Variants in CACNA1E observed in about 807,000 individuals in gnomAD.
CACNA1E encodes the protein calcium voltage-gated channel subunit alpha1 E, also known as voltage-dependent R-type calcium channel subunit alpha-1E.
In CACNA1E, 40 loss-of-function variants were observed where a neutral mutation model predicts 259.2. The ratio of observed to expected loss-of-function variants is 0.15; its 90% CI spans 0.12 to 0.20. CACNA1E has a LOEUF of 0.20. CACNA1E is among the 10% of genes least tolerant of loss of function. The probability of loss-of-function intolerance (pLI) is 1.00; values close to 1 mark genes in which losing one functional copy is unlikely to be tolerated. For missense variants in CACNA1E, 1,874 were observed against 3,040.1 expected, an observed-to-expected ratio of 0.62 and a Z score of 9.02; for synonymous variants, 1,104 against 1,138.5, an observed-to-expected ratio of 0.97 and a Z score of 0.61.
intron 7 of CACNA1E, among the ~76,000 whole-genome samples, chr1:181,674,898 T>G (rs1469880338): frequency 6.6e-6 from 1 of 152,182 alleles, no homozygotes; most frequent in African/African-American, 2.4e-5. Flanking sequence ...CTTTCTTAGG[T>G]GGCTTATGTT....
At chr1:181,636,891 T>C (rs1657263427) in intron 6 of CACNA1E, among the ~76,000 whole-genome samples, 1 of 152,216 alleles carries the variant, frequency 6.6e-6, no homozygotes, top group Admixed American at 6.5e-5. Context: ...CTGTCAGCAT[T>C]ATCAGAGCGT....
intron 3 of CACNA1E, among the ~76,000 whole-genome samples, chr1:181,545,207 T>C (rs1647316469): frequency 6.6e-6 from 1 of 152,066 alleles, no homozygotes; most frequent in Admixed American, 6.5e-5. Context: ...TGAAAACAGG[T>C]TGGGTGGAGC....
At chr1:181,749,465 C>T (rs1657396978) in intron 25 of CACNA1E, among the ~76,000 whole-genome samples, 2 of 152,200 alleles carry the variant, frequency 1.3e-5, no homozygotes, top group Admixed American at 1.3e-4. Flanking sequence ...CTAAAACCTG[C>T]TGATGCAGAG....
At chr1:181,602,213 G>A (rs917113533) in intron 6 of CACNA1E, among the ~76,000 whole-genome samples, 13 of 152,188 alleles carry the variant, frequency 8.5e-5, no homozygotes, top group African/African-American at 3.1e-4. Context: ...TCCCACTAGA[G>A]TACAAGCTTC....
chr1:181,617,376 C>T (rs796776191), intron 6 of CACNA1E, among the ~76,000 whole-genome samples: 34 of 151,952 alleles, frequency 2.2e-4, no homozygotes, highest in African/African-American at 7.2e-4. Context: ...CTAAGTCTTC[C>T]GCCAGAAAAT....
chr1:181,474,198 T>C (rs1662696764), intron 2 of CACNA1E, among the ~76,000 whole-genome samples: 1 of 152,204 alleles, frequency 6.6e-6, no homozygotes, highest in South Asian at 2.1e-4. Flanking sequence ...CTTGACTACA[T>C]ATGGAAGAAT....
At chr1:181,346,216 A>G (rs1351003962) in intron 1 of CACNA1E, among the ~76,000 whole-genome samples, 1 of 151,710 alleles carries the variant, frequency 6.6e-6, no homozygotes, top group African/African-American at 2.4e-5. Flanking sequence ...TCTGTCCCCA[A>G]CTCCTTTCAG....
Position 181,799,652 on chromosome 1 carries a change from G to A in CACNA1E, c.*818G>A, listed in dbSNP as rs1201870885. 2 of 152,440 alleles carry A rather than the reference G, an allele frequency of 1.3e-5. No homozygotes were observed. The highest frequency in any genetic ancestry group is 3.9e-4 in the East Asian group (2 of 5,194). 9.4% of individuals were successfully genotyped at this position (152,440 alleles called of 1,614,324 possible). A position where few individuals can be genotyped will look rare whatever the true frequency, so the allele number is the denominator to read the frequency against. ...TGCCTGAGGCTCTGGTAAGGGTGAAGATAAAAGTATTTAACAACCGCTATG... is the reference window on the plus strand; with the variant it reads ...TGCCTGAGGCTCTGGTAAGGGTGAAAATAAAAGTATTTAACAACCGCTATG... On this transcript the variant is annotated 3_prime_UTR_variant, in exon 48 of 48. Coordinates refer to ENST00000367573, the MANE Select transcript of CACNA1E (RefSeq NM_001205293.3).
chr1:181,734,973 A>G (rs1268711900), intron 21 of CACNA1E, among the ~76,000 whole-genome samples: 1 of 152,204 alleles, frequency 6.6e-6, no homozygotes, highest in Non-Finnish European at 1.5e-5. Context: ...CTGCCCCGTG[A>G]TCACTGAATT....
chr1:181,522,962 T>C (rs1001174485), intron 3 of CACNA1E, among the ~76,000 whole-genome samples: 1 of 152,244 alleles, frequency 6.6e-6, no homozygotes, highest in South Asian at 2.1e-4. Flanking sequence ...GTCTCCCTAA[T>C]CCTTCCCTGT....
intron 2 of CACNA1E, among the ~76,000 whole-genome samples, chr1:181,436,562 A>G (rs953790436): frequency 6.6e-6 from 1 of 152,250 alleles, no homozygotes; most frequent in East Asian, 1.9e-4. Context: ...TTGTGACAAC[A>G]TGGGTGAACC....
intron 6 of CACNA1E, among the ~76,000 whole-genome samples, chr1:181,603,016 A>C (rs1360163832): frequency 6.6e-6 from 1 of 152,170 alleles, no homozygotes; most frequent in Non-Finnish European, 1.5e-5. Flanking sequence ...TAAACACCTC[A>C]TTCAGGTGCC....
chr1:181,371,755 T>G (rs1046895695), intron 1 of CACNA1E, among the ~76,000 whole-genome samples: 1 of 151,880 alleles, frequency 6.6e-6, no homozygotes, highest in African/African-American at 2.4e-5. Flanking sequence ...TTTGAGTTGA[T>G]TTTTCTATGT....
chr1:181,633,068 G>A (rs1191266034), intron 6 of CACNA1E, among the ~76,000 whole-genome samples: 2 of 152,078 alleles, frequency 1.3e-5, no homozygotes, highest in South Asian at 2.1e-4. Flanking sequence ...CAAGCAGAAC[G>A]TCTTTCGAAG....
intron 3 of CACNA1E, among the ~76,000 whole-genome samples, chr1:181,556,790 A>G (rs1006969819): frequency 6.6e-6 from 1 of 152,314 alleles, no homozygotes; most frequent in Middle Eastern, 3.4e-3. Context: ...CAGGTTTCTC[A>G]ACAGAGTGAA....
chr1:181,797,332 C>A (rs750758007), intron 47 of CACNA1E, among the ~76,000 whole-genome samples: 1 of 152,160 alleles, frequency 6.6e-6, no homozygotes, highest in Non-Finnish European at 1.5e-5. Context: ...CAGCTTGGTG[C>A]CTAAGGAATA....
intron 2 of CACNA1E, among the ~76,000 whole-genome samples, chr1:181,423,875 G>A (rs6683758): frequency 0.4 from 60,430 of 151,828 alleles, 12,268 homozygotes; most frequent in African/African-American, 0.45. Flanking sequence ...TTGAATTATC[G>A]GATATTTTAA....
intron 6 of CACNA1E, among the ~76,000 whole-genome samples, chr1:181,632,101 A>G (rs1050310092): frequency 7.1e-6 from 1 of 140,642 alleles, no homozygotes; most frequent in African/African-American, 2.8e-5. Flanking sequence ...TGAATTGAAT[A>G]AGCTGATGCA....
At chr1:181,464,332 G>A (rs6424813) in intron 2 of CACNA1E, among the ~76,000 whole-genome samples, 62,125 of 150,868 alleles carry the variant, frequency 0.41, 14,393 homozygotes, top group African/African-American at 0.65. Context: ...AAGCTACTTC[G>A]TTTTTTGTTT....
Sources: gnomAD v4.1 joint callset for allele counts (sites outside exome capture counted in the v4.1 genomes callset) on GRCh38, gnomAD v4.1.1 for gene constraint, MANE v1.5 for transcripts, NCBI Gene and HGNC (gene_info 2026-07-23, HGNC 2026-07-21) for gene names.